CBLB: variants seen among roughly 807,000 people sequenced by gnomAD.
The protein encoded by CBLB is E3 ubiquitin-protein ligase CBL-B.
CBLB carries 31 observed loss-of-function variants against 104.9 expected under a neutral mutation model. That is an observed-to-expected ratio of 0.30 (90% CI 0.22 to 0.40). The LOEUF (loss-of-function observed/expected upper bound fraction) is 0.40. CBLB is among the 10% of genes least tolerant of loss of function. The probability of loss-of-function intolerance (pLI) is 1.00; values close to 1 mark genes in which losing one functional copy is unlikely to be tolerated. For missense variants in CBLB, 1,062 were observed against 1,214.6 expected (o/e 0.87, Z 1.87); for synonymous variants, 440 against 422.6 (o/e 1.04, Z -0.51).
At chr3:105,819,988 A>T (rs929727251) in intron 3 of CBLB, among the ~76,000 whole-genome samples, 2 of 152,146 alleles carry the variant, frequency 1.3e-5, no homozygotes, top group African/African-American at 4.8e-5. Flanking sequence ...CTTGATTTCT[A>T]TTATTATTAC....
At position 105,704,018 on chromosome 3, in the gene CBLB, A is replaced by T. The variant is rs775231903; in HGVS notation, c.1563T>A (p.Ser521=). 4.3e-6 allele frequency: 7 copies of T among 1,614,178 alleles called. No individual in the cohort carries two copies. In the South Asian group the frequency reaches 6.6e-5, roughly 15 times the overall value. ...GTGAACCCGTTGGGCTGCCACAGGG[A>T]GATCTAACTATGCCTTTCTGAATTA... ...LDLIQKGIVR[S]PCGSPTGSPK... The change falls in exon 11 of 19, where the codon TCT becomes TCA. Residue 521 remains serine, a synonymous_variant. Coordinates refer to ENST00000394030, the MANE Select transcript of CBLB (RefSeq NM_170662.5).
intron 10 of CBLB, among the ~76,000 whole-genome samples, chr3:105,715,946 G>GA: frequency 6.6e-6 from 1 of 152,192 alleles, no homozygotes; most frequent in Non-Finnish European, 1.5e-5. Context: ...GGCTGAGACA[G>GA]AAAAATCACT....
At chr3:105,856,825 T>A (rs968113103) in intron 2 of CBLB, among the ~76,000 whole-genome samples, 2 of 152,130 alleles carry the variant, frequency 1.3e-5, no homozygotes, top group Non-Finnish European at 2.9e-5. Context: ...TTTTACCCCC[T>A]TTTTAATACG....
chr3:105,727,333 G>A (rs2073790961), intron 9 of CBLB, among the ~76,000 whole-genome samples: 1 of 152,072 alleles, frequency 6.6e-6, no homozygotes, highest in South Asian at 2.1e-4. Context: ...CATGTTTGCT[G>A]GCTGCATAAA....
chr3:105,723,729 T>G (rs13082334), intron 9 of CBLB, among the ~76,000 whole-genome samples: 14,662 of 152,094 alleles, frequency 0.096, 939 homozygotes, highest in East Asian at 0.18. Context: ...TTCCATACTT[T>G]GTTTAAATAT....
At chr3:105,845,615 C>CAGGGG (rs1164931608) in intron 3 of CBLB, among the ~76,000 whole-genome samples, 4 of 151,872 alleles carry the variant, frequency 2.6e-5, no homozygotes, top group Non-Finnish European at 5.9e-5. Flanking sequence ...TTGTATCTAG[C>CAGGGG]TAGCTAAGCA....
At chr3:105,833,411 C>A (rs1486728434) in intron 3 of CBLB, among the ~76,000 whole-genome samples, 5 of 152,106 alleles carry the variant, frequency 3.3e-5, no homozygotes, top group African/African-American at 4.8e-5. Flanking sequence ...TTATTAATTT[C>A]TATGATCAGT....
At chr3:105,760,550 T>C (rs2077518157) in intron 4 of CBLB, among the ~76,000 whole-genome samples, 1 of 152,092 alleles carries the variant, frequency 6.6e-6, no homozygotes, top group African/African-American at 2.4e-5. Context: ...TAGAAAGTGC[T>C]ACCAAAGAGA....
At chr3:105,801,978 C>T (rs186290661) in intron 3 of CBLB, among the ~76,000 whole-genome samples, 13 of 152,206 alleles carry the variant, frequency 8.5e-5, no homozygotes, top group Non-Finnish European at 1.6e-4. Flanking sequence ...TGTTCAAATG[C>T]GTGAATGAAA....
rs1199715436 is a variant in CBLB at position 105,736,251 on chromosome 3, T to A, written c.1071+920A>T. ...CTTCATCCCCTCCCTCACTGCTCAA[T>A]CCCTTTTCACCTCCTCAGTTAAATC... On this transcript the variant is annotated intron_variant, in intron 8 of 18. Coordinates refer to ENST00000394030, the MANE Select transcript of CBLB (RefSeq NM_170662.5). 2.0e-5 allele frequency among the ~76,000 whole-genome samples: 3 copies of A among 152,180 alleles called. No individual in the cohort carries two copies. In the East Asian group the frequency reaches 5.8e-4, roughly 29 times the overall value.
At chr3:105,772,138 T>G (rs1460751168) in intron 4 of CBLB, among the ~76,000 whole-genome samples, 1 of 152,170 alleles carries the variant, frequency 6.6e-6, no homozygotes, top group African/African-American at 2.4e-5. Flanking sequence ...CACAAGGCTA[T>G]AGTTACCAAA....
At chr3:105,714,494 C>G (rs1229618407) in intron 10 of CBLB, among the ~76,000 whole-genome samples, 1 of 152,152 alleles carries the variant, frequency 6.6e-6, no homozygotes, top group African/African-American at 2.4e-5. Context: ...GATCATCAGG[C>G]ATTAGATTCT....
chr3:105,740,657 T>A (rs1320255456), intron 6 of CBLB, 26 bp from the exon 7 acceptor site: 2 of 1,593,018 alleles, frequency 1.3e-6, no homozygotes, highest in African/African-American at 2.7e-5. Context: ...AAATTACATC[T>A]AATTACATTC....
chr3:105,863,914 T>G (rs2092274700), intron 2 of CBLB, among the ~76,000 whole-genome samples: 1 of 152,180 alleles, frequency 6.6e-6, no homozygotes, highest in African/African-American at 2.4e-5. Flanking sequence ...ACATTTAGTA[T>G]CTATTAGATG....
At chr3:105,683,650 G>A (rs13061514) in intron 14 of CBLB, among the ~76,000 whole-genome samples, 81,046 of 151,974 alleles carry the variant, frequency 0.53, 22,158 homozygotes, top group Middle Eastern at 0.67. Context: ...CCAAAGAACC[G>A]AAAATTGTAA....
At chr3:105,869,233 G>A, upstream of CBLB, 1 of 656,382 alleles carries the variant, frequency 1.5e-6, no homozygotes, top group Non-Finnish European at 2.6e-6. Context: ...ACGTCAGAAA[G>A]GAATTGGACT....
upstream of CBLB, chr3:105,869,149 GTCC>G (rs1706741445): frequency 1.3e-5 from 9 of 675,870 alleles, no homozygotes; most frequent in African/African-American, 4.0e-5. Context: ...GGAGGCGCCC[GTCC>G]TCCTCGCGCT....
intron 8 of CBLB, among the ~76,000 whole-genome samples, chr3:105,735,120 T>C (rs1419706880): frequency 6.6e-6 from 1 of 152,144 alleles, no homozygotes; most frequent in African/African-American, 2.4e-5. Context: ...AAATAAATAA[T>C]AATATTTAGT....
chr3:105,752,032 T>C (rs2076638902), intron 4 of CBLB, among the ~76,000 whole-genome samples: 1 of 152,198 alleles, frequency 6.6e-6, no homozygotes, highest in African/African-American at 2.4e-5. Context: ...TAGAAATCCT[T>C]TATTCATTGC....
Sources: allele counts gnomAD v4.1 joint callset (sites outside exome capture counted in the v4.1 genomes callset), GRCh38; gene constraint gnomAD v4.1.1; transcripts MANE v1.5; gene names NCBI Gene and HGNC (gene_info 2026-07-23, HGNC 2026-07-21).